Variants in LAMA2 observed in about 807,000 individuals in gnomAD.
LAMA2 encodes laminin subunit alpha-2.
Under a neutral mutation model 364.8 loss-of-function variants are expected in LAMA2, and 269 were observed. The observed-to-expected ratio is 0.74, with a 90% CI of 0.67 to 0.82. The LOEUF (loss-of-function observed/expected upper bound fraction) is 0.82. Ranked by LOEUF, LAMA2 falls within the 40% of genes least tolerant of loss-of-function variation. The probability of loss-of-function intolerance (pLI) is 0.00; values close to 1 mark genes in which losing one functional copy is unlikely to be tolerated. For synonymous variants in LAMA2, 1,379 were observed against 1,370.6 expected, an observed-to-expected ratio of 1.01 and a Z score of -0.14; for missense variants, 3,807 against 3,873.2, an observed-to-expected ratio of 0.98 and a Z score of 0.45.
At chr6:129,051,181 C>G (rs536195620) in intron 2 of LAMA2, among the ~76,000 whole-genome samples, 2 of 140,812 alleles carry the variant, frequency 1.4e-5, no homozygotes, top group South Asian at 2.2e-4. Context: ...CTCTCTCTCT[C>G]TGTATATATA....
intron 45 of LAMA2, among the ~76,000 whole-genome samples, chr6:129,450,699 G>T (rs1190592415): frequency 6.6e-6 from 1 of 152,114 alleles, no homozygotes; most frequent in African/African-American, 2.4e-5. Flanking sequence ...AAGCTATAAA[G>T]CATTTATTAA....
At chr6:129,223,723 C>T (rs926740731) in intron 12 of LAMA2, among the ~76,000 whole-genome samples, 5 of 152,180 alleles carry the variant, frequency 3.3e-5, no homozygotes, top group African/African-American at 1.2e-4. Context: ...GGTACCAGTA[C>T]CATGCTGTTT....
intron 3 of LAMA2, among the ~76,000 whole-genome samples, chr6:129,084,540 AAT>A (rs1330666084): frequency 3.3e-5 from 5 of 152,316 alleles, no homozygotes; most frequent in African/African-American, 1.2e-4. Flanking sequence ...GAAGAATTTT[AAT>A]AGTTGTACTG....
At chr6:129,383,542 G>A (rs1454532274) in intron 35 of LAMA2, among the ~76,000 whole-genome samples, 1 of 152,202 alleles carries the variant, frequency 6.6e-6, no homozygotes, top group African/African-American at 2.4e-5. Flanking sequence ...TTATTTGAAA[G>A]TATTTAAAGT....
intron 3 of LAMA2, among the ~76,000 whole-genome samples, chr6:129,072,608 GTCTTA>G (rs1007193251): frequency 4.0e-5 from 6 of 151,892 alleles, no homozygotes; most frequent in Non-Finnish European, 7.4e-5. Context: ...TTTTCTGTTT[GTCTTA>G]TCTTTTGCTA....
intron 17 of LAMA2, 76 bp downstream of exon 17, chr6:129,270,827 T>C: frequency 7.1e-7 from 1 of 1,406,236 alleles, no homozygotes; most frequent in Admixed American, 1.7e-5. Flanking sequence ...AAATATACAC[T>C]TCCTTTTATC....
rs1787084147 is a variant in LAMA2, at chr6:129,516,398, TA to T, written c.*55del. The T allele has an allele frequency of 6.5e-7, 1 of 1,546,858 alleles. No homozygotes were observed. Among genetic ancestry groups the T allele is most frequent in the African/African-American group, 1.4e-5 (1 of 72,394 alleles). On this transcript the variant is annotated 3_prime_UTR_variant, in exon 65 of 65. Coordinates refer to ENST00000421865, the MANE Select transcript of LAMA2 (RefSeq NM_000426.4). ...AGTCTGTCAAAACAAGTATATCAAG[TA>T]AAACAAACAAATATATTTTACCTAT...
At chr6:129,297,213 A>G (rs1370278051) in intron 20 of LAMA2, among the ~76,000 whole-genome samples, 9 of 152,222 alleles carry the variant, frequency 5.9e-5, no homozygotes, top group Non-Finnish European at 2.9e-5. Flanking sequence ...AATTCTATCA[A>G]ATATTAGGGC....
chr6:128,976,263 A>G (rs148134007), intron 1 of LAMA2, among the ~76,000 whole-genome samples: 28 of 152,196 alleles, frequency 1.8e-4, no homozygotes, highest in Non-Finnish European at 4.0e-4. Flanking sequence ...GCAGAGAAAG[A>G]TACATCTGGA....
intron 12 of LAMA2, among the ~76,000 whole-genome samples, chr6:129,219,178 A>C (rs112724255): frequency 0.059 from 8,983 of 152,262 alleles, 306 homozygotes; most frequent in Non-Finnish European, 0.069. Flanking sequence ...AATAAGACAG[A>C]CACTTCTCAA....
chr6:129,428,153 G>C (rs1015675176), intron 41 of LAMA2, among the ~76,000 whole-genome samples: 1 of 152,176 alleles, frequency 6.6e-6, no homozygotes, highest in African/African-American at 2.4e-5. Context: ...ACCCAGGCCA[G>C]CCATAGTGGC....
intron 10 of LAMA2, among the ~76,000 whole-genome samples, chr6:129,182,139 AC>A (rs1780970266): frequency 6.6e-6 from 1 of 151,870 alleles, no homozygotes; most frequent in Admixed American, 6.6e-5. Flanking sequence ...AGCAAGAAAA[AC>A]TTCATGATAC....
At chr6:129,162,884 G>A (rs544069685) in intron 8 of LAMA2, among the ~76,000 whole-genome samples, 1 of 151,424 alleles carries the variant, frequency 6.6e-6, no homozygotes, top group Non-Finnish European at 1.5e-5. Context: ...AGAATGAAGA[G>A]AACTAGGAGG....
intron 1 of LAMA2, among the ~76,000 whole-genome samples, chr6:128,916,029 AC>A (rs1778290140): frequency 6.6e-6 from 1 of 152,210 alleles, no homozygotes; most frequent in African/African-American, 2.4e-5. Flanking sequence ...TTGCATGTGT[AC>A]CTAATGCCTA....
At position 129,328,271 on chromosome 6, in the gene LAMA2, C is replaced by T. The variant is rs989364548; in HGVS notation, c.4177-7C>T. On this transcript the variant is annotated splice_polypyrimidine_tract_variant and splice_region_variant and intron_variant, in intron 28 of 64. Coordinates refer to ENST00000421865, the MANE Select transcript of LAMA2 (RefSeq NM_000426.4). ...TTGCTGTCCTAATTGGCTTCCTTTT[C>T]TTTCAGGCATGCTTGCCGGGATTTT... 4 of 1,613,932 alleles carry T rather than the reference C, an allele frequency of 2.5e-6. No homozygotes were observed. In the East Asian group the frequency reaches 6.7e-5, roughly 27 times the overall value.
rs1042387625 is a variant in LAMA2, at chr6:129,453,058, A to G, written c.6500A>G (p.Tyr2167Cys). Residue 2167 changes from tyrosine to cysteine, a missense_variant, in exon 46 of 65, where the codon TAC (tyrosine) becomes TGC (cysteine). This residue lies in a region of LAMA2 where 3,333 missense variants were observed against 3,345.7 expected (regional missense o/e 1.00). Coordinates refer to ENST00000421865, the MANE Select transcript of LAMA2 (RefSeq NM_000426.4). ...TYKPEIKKGSYNNIVVNVKTA... is the reference protein window; with the variant it reads ...TYKPEIKKGSCNNIVVNVKTA... ...AAACCAGAAATCAAGAAAGGAAGTT[A>G]CAATAATATTGTTGTCAACGTAAAG... The G allele has an allele frequency of 7.4e-6, 12 of 1,612,726 alleles. No homozygotes were observed. The highest frequency in any genetic ancestry group is 9.3e-6 in the Non-Finnish European group (11 of 1,179,182).
chr6:129,019,658 C>T (rs1214714040), intron 1 of LAMA2, among the ~76,000 whole-genome samples: 1 of 151,936 alleles, frequency 6.6e-6, no homozygotes, highest in Non-Finnish European at 1.5e-5. Context: ...CAGATTTTTT[C>T]CCCTGTTTAA....
chr6:129,097,118 T>TAGAGCTGCCAAGCTCTCATACCTC (rs1775233056), intron 3 of LAMA2, among the ~76,000 whole-genome samples: 2 of 152,216 alleles, frequency 1.3e-5, no homozygotes, highest in South Asian at 4.1e-4. Flanking sequence ...ACTTAGAGCT[T>TAGAGCTGCCAAGCTCTCATACCTC]AGAGCTGCCA....
chr6:128,951,172 T>C (rs1052078102), intron 1 of LAMA2, among the ~76,000 whole-genome samples: 14 of 152,154 alleles, frequency 9.2e-5, no homozygotes, highest in African/African-American at 2.9e-4. Context: ...TAGGCAGATA[T>C]GAATTTGAAA....
Sources: allele counts gnomAD v4.1 joint callset (sites outside exome capture counted in the v4.1 genomes callset), GRCh38; gene constraint gnomAD v4.1.1; regional missense constraint gnomAD v4.1.1; transcripts MANE v1.5; gene names NCBI Gene and HGNC (gene_info 2026-07-23, HGNC 2026-07-21).